SPATA22: variants seen among roughly 807,000 people sequenced by gnomAD.
The protein encoded by SPATA22 is spermatogenesis-associated protein 22.
In SPATA22, 29 loss-of-function variants were observed where a neutral mutation model predicts 47.8. The ratio of observed to expected loss-of-function variants is 0.61; its 90% confidence interval spans 0.45 to 0.83. The LOEUF is 0.83. Among genes scored for constraint, SPATA22 ranks in the 40% least tolerant of loss-of-function variants. The pLI is 0.00. For synonymous variants in SPATA22, 133 were observed against 140.9 expected, an observed-to-expected ratio of 0.94 and a Z score of 0.40; for missense variants, 410 against 421.7, an observed-to-expected ratio of 0.97 and a Z score of 0.24.
At chr17:3,444,930 A>T (rs1488062551) in intron 7 of SPATA22, among the ~76,000 whole-genome samples, 1 of 151,896 alleles carries the variant, frequency 6.6e-6, no homozygotes, top group Admixed American at 6.6e-5. Flanking sequence ...AAAAGCATGG[A>T]CCCCCTTCAT....
chr17:3,464,622 T>G (rs1362814081), intron 3 of SPATA22, among the ~76,000 whole-genome samples: 1 of 126,560 alleles, frequency 7.9e-6, no homozygotes, highest in African/African-American at 3.0e-5. Flanking sequence ...GGGAGCACCT[T>G]TGCCCCGCCG....
chr17:3,459,393 T>C (rs1340580911), intron 5 of SPATA22, among the ~76,000 whole-genome samples: 1 of 152,158 alleles, frequency 6.6e-6, no homozygotes, highest in Non-Finnish European at 1.5e-5. Flanking sequence ...ACCTTAAATA[T>C]ATATAATTTT....
chr17:3,493,944 G>A (rs1011861194), intron 1 of SPATA22, among the ~76,000 whole-genome samples: 2 of 152,000 alleles, frequency 1.3e-5, no homozygotes, highest in African/African-American at 4.8e-5. Flanking sequence ...TTAACTAAAC[G>A]TTATCTGTTC....
chr17:3,445,954 T>C (rs1398420652), intron 7 of SPATA22, among the ~76,000 whole-genome samples: 1 of 152,148 alleles, frequency 6.6e-6, no homozygotes, highest in Non-Finnish European at 1.5e-5. Context: ...AAGTCTATAA[T>C]GAGTCATCAA....
intron 1 of SPATA22, chr17:3,512,865 C>T (rs1451263880): frequency 6.6e-6 from 1 of 152,128 alleles, no homozygotes; most frequent in Admixed American, 6.5e-5. Flanking sequence ...TTGTTAAATT[C>T]CCCCACTGAG....
At chr17:3,454,606 A>C (rs2072941995) in intron 5 of SPATA22, among the ~76,000 whole-genome samples, 1 of 152,012 alleles carries the variant, frequency 6.6e-6, no homozygotes, top group African/African-American at 2.4e-5. Flanking sequence ...AATTTCATCC[A>C]TGTCCCTACA....
At chr17:3,510,091 A>G (rs1428364976) in intron 1 of SPATA22, among the ~76,000 whole-genome samples, 1 of 151,798 alleles carries the variant, frequency 6.6e-6, no homozygotes, top group African/African-American at 2.4e-5. Context: ...GATGGCAAAA[A>G]TTTTTTCCTA....
chr17:3,474,769 A>G (rs1337551502), upstream of SPATA22, among the ~76,000 whole-genome samples: 1 of 152,202 alleles, frequency 6.6e-6, no homozygotes, highest in Admixed American at 6.5e-5. Context: ...TCCTGAGCAC[A>G]CTGTAATGGC....
intron 1 of SPATA22, among the ~76,000 whole-genome samples, chr17:3,489,575 C>T (rs906677217): frequency 1.6e-4 from 24 of 147,202 alleles, no homozygotes; most frequent in East Asian, 4.0e-4. Flanking sequence ...AAAGAAAAGA[C>T]GAGAAAATAC....
intron 1 of SPATA22, among the ~76,000 whole-genome samples, chr17:3,496,116 G>A (rs1176907816): frequency 6.6e-6 from 1 of 152,024 alleles, no homozygotes; most frequent in Non-Finnish European, 1.5e-5. Context: ...TAGGAAGGAT[G>A]GTTTTGATTT....
intron 1 of SPATA22, among the ~76,000 whole-genome samples, chr17:3,480,279 C>T (rs11656291): frequency 0.37 from 55,661 of 152,180 alleles, 12,979 homozygotes; most frequent in Non-Finnish European, 0.54. Context: ...GAGTTTAATT[C>T]ACACAGAGCC....
chr17:3,512,017 T>TA (rs2074119513), intron 1 of SPATA22: 1 of 152,220 alleles, frequency 6.6e-6, no homozygotes, highest in Non-Finnish European at 1.5e-5. Flanking sequence ...ATCTCCAGGC[T>TA]AAAAGGGACC....
intron 1 of SPATA22, among the ~76,000 whole-genome samples, chr17:3,487,002 AAGTT>A (rs2073734328): frequency 1.3e-5 from 2 of 152,090 alleles, no homozygotes; most frequent in South Asian, 4.1e-4. Context: ...TAATCTGAGA[AAGTT>A]AGGAGAGGGC....
chr17:3,467,569 C>T lies in SPATA22; in HGVS notation c.44-15G>A. On this transcript the variant is annotated splice_polypyrimidine_tract_variant and intron_variant, in intron 2 of 8. Coordinates refer to ENST00000572969, the MANE Select transcript of SPATA22 (RefSeq NM_001170698.2). Reference sequence around the variant, plus strand: ...AGGCAAACAGCCTAAATTGAATGTACCAATAAATTAGTACATAATAGACAA... The same window carrying T: ...AGGCAAACAGCCTAAATTGAATGTATCAATAAATTAGTACATAATAGACAA... The T allele has an allele frequency of 6.3e-7, 1 of 1,594,158 alleles. No individual in the cohort carries two copies.
At chr17:3,446,350 G>C (rs927078655) in intron 7 of SPATA22, 122 bp downstream of exon 7, 2 of 899,622 alleles carry the variant, frequency 2.2e-6, no homozygotes, top group Admixed American at 7.1e-5. Flanking sequence ...CCAGTTCTTT[G>C]AATACACTTT....
intron 3 of SPATA22, among the ~76,000 whole-genome samples, chr17:3,466,818 G>C (rs2073324984): frequency 6.6e-6 from 1 of 152,112 alleles, no homozygotes; most frequent in Non-Finnish European, 1.5e-5. Flanking sequence ...ATTCATGAGG[G>C]CTCTGCCCTC....
intron 1 of SPATA22, chr17:3,494,213 AGG>A: frequency 1.9e-5 from 13 of 673,164 alleles, no homozygotes; most frequent in South Asian, 1.8e-4. Context: ...CATGTTGGCC[AGG>A]CTGTTCTCGA....
At chr17:3,462,174 A>C (rs928775881) in intron 5 of SPATA22, among the ~76,000 whole-genome samples, 1 of 152,202 alleles carries the variant, frequency 6.6e-6, no homozygotes, top group Admixed American at 6.5e-5. Context: ...TTGTCAATTA[A>C]ATCATTAATA....
At chr17:3,512,953 A>G (rs2074133018) in intron 1 of SPATA22, 1 of 152,176 alleles carries the variant, frequency 6.6e-6, no homozygotes, top group South Asian at 2.1e-4. Context: ...CTTCAGCGAA[A>G]GCCACGATCC....
Sources: allele counts gnomAD v4.1 joint callset (sites outside exome capture counted in the v4.1 genomes callset), GRCh38; gene constraint gnomAD v4.1.1; transcripts MANE v1.5; gene names NCBI Gene and HGNC (gene_info 2026-07-23, HGNC 2026-07-21).